The following LIPC variants were observed in gnomAD, a reference collection of about 807,000 sequenced individuals.
LIPC encodes hepatic triacylglycerol lipase.
Under a neutral mutation model 50.7 loss-of-function variants are expected in LIPC, and 44 were observed. The observed-to-expected ratio is 0.87, with a 90% CI of 0.68 to 1.11. The LOEUF (loss-of-function observed/expected upper bound fraction) is 1.11, where lower values mean the gene tolerates loss of function less well. LIPC is among the 50% of genes most tolerant of loss of function. The probability of loss-of-function intolerance (pLI) is 0.00; values close to 1 mark genes in which losing one functional copy is unlikely to be tolerated. For missense variants in LIPC, 697 were observed against 648.2 expected (o/e 1.08, Z -0.82); for synonymous variants, 271 against 256.4 (o/e 1.06, Z -0.54).
At chr15:58,524,136 C>G (rs529636564) in intron 1 of LIPC, among the ~76,000 whole-genome samples, 1 of 152,120 alleles carries the variant, frequency 6.6e-6, no homozygotes, top group African/African-American at 2.4e-5. Context: ...CATAACCTTA[C>G]GCAGCTGAAA....
intron 5 of LIPC, among the ~76,000 whole-genome samples, chr15:58,547,292 T>C (rs899798798): frequency 6.6e-6 from 1 of 152,148 alleles, no homozygotes; most frequent in Non-Finnish European, 1.5e-5. Context: ...CACTACCTCC[T>C]GGGTGGATGA....
At chr15:58,558,037 G>A (rs1355591155) in intron 6 of LIPC, among the ~76,000 whole-genome samples, 2 of 151,824 alleles carry the variant, frequency 1.3e-5, no homozygotes, top group Non-Finnish European at 2.9e-5. Flanking sequence ...AGAGTTTAGG[G>A]ACCCTTCCCA....
chr15:58,458,601 A>C (rs1180066169), intron 1 of LIPC, among the ~76,000 whole-genome samples: 2 of 152,144 alleles, frequency 1.3e-5, no homozygotes, highest in Non-Finnish European at 2.9e-5. Flanking sequence ...TATCCCCGTT[A>C]TCTTGGGTGC....
intron 1 of LIPC, among the ~76,000 whole-genome samples, chr15:58,501,347 C>CT (rs11453466): frequency 0.55 from 74,494 of 134,576 alleles, 20,830 homozygotes; most frequent in Middle Eastern, 0.72. Flanking sequence ...GCCTCTCATA[C>CT]TTTTTTTTTT....
At chr15:58,515,582 A>G (rs1263184388) in intron 1 of LIPC, among the ~76,000 whole-genome samples, 2 of 151,260 alleles carry the variant, frequency 1.3e-5, no homozygotes, top group Non-Finnish European at 2.9e-5. Context: ...CCCATACTTT[A>G]AAAAACAAAA....
chr15:58,562,349 G>A (rs1268640826), intron 7 of LIPC, among the ~76,000 whole-genome samples: 1 of 152,220 alleles, frequency 6.6e-6, no homozygotes, highest in Non-Finnish European at 1.5e-5. Context: ...GGCGGAGCAG[G>A]TGTTCCCAAG....
intron 6 of LIPC, among the ~76,000 whole-genome samples, chr15:58,555,307 G>GAT (rs1893899182): frequency 1.3e-5 from 2 of 152,176 alleles, no homozygotes; most frequent in South Asian, 4.1e-4. Flanking sequence ...GGGGACAGGA[G>GAT]AGCGTCCTTT....
At chr15:58,528,825 T>C (rs1892866066) in intron 1 of LIPC, among the ~76,000 whole-genome samples, 1 of 152,238 alleles carries the variant, frequency 6.6e-6, no homozygotes, top group South Asian at 2.1e-4. Context: ...CAATTCATCT[T>C]CTGGCAGCTG....
At chr15:58,450,303 G>T (rs1893856323) in intron 1 of LIPC, among the ~76,000 whole-genome samples, 1 of 152,170 alleles carries the variant, frequency 6.6e-6, no homozygotes, top group African/African-American at 2.4e-5. Context: ...CCCCACTCTA[G>T]AGCTCCTGAT....
intron 1 of LIPC, among the ~76,000 whole-genome samples, chr15:58,457,497 C>G (rs1348954398): frequency 7.2e-5 from 11 of 152,256 alleles, no homozygotes; most frequent in Non-Finnish European, 1.3e-4. Flanking sequence ...TGCCACTTGG[C>G]TCCTTCAGGG....
chr15:58,567,192 C>A (rs1240277136), intron 8 of LIPC, among the ~76,000 whole-genome samples: 1 of 132,568 alleles, frequency 7.5e-6, no homozygotes, highest in Non-Finnish European at 1.6e-5. Flanking sequence ...CAGAGCGAGA[C>A]TCCGTCTCAA....
chr15:58,443,124 G>C (rs915209281), intron 1 of LIPC, among the ~76,000 whole-genome samples: 2 of 152,212 alleles, frequency 1.3e-5, no homozygotes, highest in Non-Finnish European at 2.9e-5. Context: ...TGTTGGCCAG[G>C]CTGGTCTTGA....
chr15:58,548,391 G>A lies in LIPC; in HGVS notation c.870G>A (p.Leu290=). 3 of 1,614,096 alleles carry A rather than the reference G, an allele frequency of 1.9e-6. No individual in the cohort carries two copies. ...ERSVHLFIDS[L]LHAGTQSMAY... is the part of the protein sequence containing the mutation. ...CGGTGCACCTTTTCATCGACTCCTT[G>A]CTGCACGCCGGCACGCAGAGCATGG... Residue 290 remains leucine, a synonymous_variant, in exon 6 of 9, where the codon TTG becomes TTA. Coordinates refer to ENST00000299022, the MANE Select transcript of LIPC (RefSeq NM_000236.3).
chr15:58,542,469 T>C, intron 3 of LIPC, 65 bp from the exon 4 acceptor site: 5 of 1,051,028 alleles, frequency 4.8e-6, no homozygotes, highest in Admixed American at 3.4e-5. Context: ...CACAACACAC[T>C]GGACCGCAAA....
intron 1 of LIPC, among the ~76,000 whole-genome samples, chr15:58,467,907 G>A (rs1431468639): frequency 1.3e-5 from 2 of 152,162 alleles, no homozygotes; most frequent in Non-Finnish European, 2.9e-5. Flanking sequence ...TTGAGAGCTT[G>A]GACTCCGGGG....
intron 1 of LIPC, among the ~76,000 whole-genome samples, chr15:58,471,085 C>A (rs1188784413): frequency 6.6e-6 from 1 of 151,044 alleles, no homozygotes; most frequent in Non-Finnish European, 1.5e-5. Flanking sequence ...TACCCAATGA[C>A]CTAAGGTCTA....
rs397702969 is a variant in LIPC, at chr15:58,523,618, T to TA, written c.89-14714dup. ...AGGAAACAAGCTGGGATTTTTTTTT[T>TA]ATTTAAAATTATTTTTCAGGCCAGG... On this transcript the variant is annotated intron_variant, in intron 1 of 8. Coordinates refer to ENST00000299022, the MANE Select transcript of LIPC (RefSeq NM_000236.3). Among the ~76,000 whole-genome samples, 9 of 151,714 alleles carry TA rather than the reference T, an allele frequency of 5.9e-5. 1 individual carries two copies. The highest frequency in any genetic ancestry group is 1.2e-4 in the Non-Finnish European group (8 of 67,858).
At chr15:58,534,989 A>G (rs1317678251) in intron 1 of LIPC, among the ~76,000 whole-genome samples, 1 of 152,188 alleles carries the variant, frequency 6.6e-6, no homozygotes, top group African/African-American at 2.4e-5. Context: ...TACCTTCTCC[A>G]CAACAGCCCT....
At chr15:58,515,268 A>G (rs997545717) in intron 1 of LIPC, among the ~76,000 whole-genome samples, 16 of 152,208 alleles carry the variant, frequency 1.1e-4, no homozygotes, top group African/African-American at 3.9e-4. Context: ...CTGGGGATTC[A>G]GATGTGGACA....
Sources: allele counts gnomAD v4.1 joint callset (sites outside exome capture counted in the v4.1 genomes callset), GRCh38; gene constraint gnomAD v4.1.1; transcripts MANE v1.5; gene names NCBI Gene and HGNC (gene_info 2026-07-23, HGNC 2026-07-21).